Variants in BTRC observed in about 807,000 individuals in gnomAD.
BTRC encodes F-box/WD repeat-containing protein 1A.
Under a neutral mutation model 85.5 loss-of-function variants are expected in BTRC, and 42 were observed. That is an observed-to-expected ratio of 0.49 (90% CI 0.38 to 0.64). BTRC has a LOEUF of 0.64. Ranked by LOEUF, BTRC falls within the 30% of genes least tolerant of loss-of-function variation. The probability of loss-of-function intolerance (pLI) is 0.00; values close to 1 mark genes in which losing one functional copy is unlikely to be tolerated. For missense variants in BTRC, 594 were observed against 743.5 expected, an observed-to-expected ratio of 0.80 and a Z score of 2.34; for synonymous variants, 255 against 263.3, an observed-to-expected ratio of 0.97 and a Z score of 0.30.
At chr10:101,478,802 GAAAA>G (rs1012078533) in intron 3 of BTRC, among the ~76,000 whole-genome samples, 6 of 147,914 alleles carry the variant, frequency 4.1e-5, no homozygotes, top group Non-Finnish European at 6.0e-5. Context: ...AAAAAGAAAA[GAAAA>G]AAAGAGAAAG....
rs557869955 is a variant in BTRC, at chr10:101,424,935, T to C, written c.49-5410T>C. ...AGTGCAAAGTACCCATAGGTAGTTT[T>C]TTCAAGCTTTACCCCCTTTGTCCTC... On this transcript the variant is annotated intron_variant, in intron 1 of 14. Transcript: ENST00000370187. Among the ~76,000 whole-genome samples the C allele has an allele frequency of 2.0e-5, 3 of 152,322 alleles. No individual in the cohort carries two copies. The East Asian group carries it at 5.8e-4, about 29-fold the overall frequency.
chr10:101,408,296 CT>C (rs1052209018), intron 1 of BTRC, among the ~76,000 whole-genome samples: 1 of 150,910 alleles, frequency 6.6e-6, no homozygotes, highest in African/African-American at 2.4e-5. Flanking sequence ...TCTTTTTCTT[CT>C]TTTTTTTTAA....
chr10:101,418,988 TCA>T (rs749603546), intron 1 of BTRC, among the ~76,000 whole-genome samples: 56 of 151,784 alleles, frequency 3.7e-4, no homozygotes, highest in Non-Finnish European at 6.2e-4. Flanking sequence ...ATGTAACATC[TCA>T]CAGTTTCTTT....
At chr10:101,361,608 T>C (rs1015585427) in intron 1 of BTRC, among the ~76,000 whole-genome samples, 2 of 152,320 alleles carry the variant, frequency 1.3e-5, no homozygotes, top group South Asian at 4.1e-4. Flanking sequence ...GTCCACTGGA[T>C]CTTAACAGTT....
At chr10:101,542,956 A>G (rs925565590) in intron 13 of BTRC, among the ~76,000 whole-genome samples, 41 of 152,150 alleles carry the variant, frequency 2.7e-4, no homozygotes, top group African/African-American at 9.2e-4. Context: ...GGCTCACTGC[A>G]ACCTCTGCCT....
intron 1 of BTRC, among the ~76,000 whole-genome samples, chr10:101,384,662 T>C (rs1218102306): frequency 6.6e-6 from 1 of 152,204 alleles, no homozygotes; most frequent in African/African-American, 2.4e-5. Flanking sequence ...CAATTAGCAG[T>C]AGGAAAGAGT....
intron 2 of BTRC, among the ~76,000 whole-genome samples, chr10:101,453,923 T>C (rs1945011260): frequency 6.6e-6 from 1 of 152,212 alleles, no homozygotes; most frequent in South Asian, 2.1e-4. Flanking sequence ...TCTTCCGTTG[T>C]AGTGTGAAAG....
At chr10:101,433,709 C>T (rs914453124) in intron 2 of BTRC, among the ~76,000 whole-genome samples, 1 of 152,142 alleles carries the variant, frequency 6.6e-6, no homozygotes, top group African/African-American at 2.4e-5. Flanking sequence ...AATAGTAAGT[C>T]ACTGAAAGGA....
chr10:101,446,649 C>T (rs1944833819), intron 2 of BTRC, among the ~76,000 whole-genome samples: 2 of 151,960 alleles, frequency 1.3e-5, no homozygotes, highest in African/African-American at 4.8e-5. Context: ...AAAATTAGGC[C>T]AGGAAAGATT....
At position 101,463,065 on chromosome 10, in the gene BTRC, A is replaced by G. The variant is rs371532181; in HGVS notation, c.234+1007A>G. 1.3e-4 allele frequency among the ~76,000 whole-genome samples: 19 copies of G among 146,900 alleles called. No individual in the cohort carries two copies. In the East Asian group the frequency reaches 3.6e-3, roughly 28 times the overall value. ...GTATTTTGGGGTTTTTTTTTTTTTG[A>G]GACACAGTCTTGCTCTATCGCCCAG... On this transcript the variant is annotated intron_variant, in intron 3 of 14. Coordinates refer to ENST00000370187, the MANE Select transcript of BTRC (RefSeq NM_033637.4).
chr10:101,486,353 T>A (rs1014549789), intron 4 of BTRC, among the ~76,000 whole-genome samples: 5 of 152,186 alleles, frequency 3.3e-5, no homozygotes, highest in African/African-American at 7.2e-5. Context: ...GGCTTGTAAT[T>A]GGCGCCATCA....
At chr10:101,464,015 C>T (rs1945300089) in intron 3 of BTRC, among the ~76,000 whole-genome samples, 2 of 151,318 alleles carry the variant, frequency 1.3e-5, no homozygotes, top group South Asian at 4.2e-4. Context: ...ACAATTTTAA[C>T]TGTTTGGAGA....
chr10:101,450,519 G>A (rs1250209583), intron 2 of BTRC, among the ~76,000 whole-genome samples: 1 of 152,102 alleles, frequency 6.6e-6, no homozygotes, highest in Admixed American at 6.6e-5. Context: ...TAAAAGAGCA[G>A]GAGGCAGGCT....
At chr10:101,511,180 A>G (rs898500467) in intron 4 of BTRC, among the ~76,000 whole-genome samples, 3 of 151,858 alleles carry the variant, frequency 2.0e-5, no homozygotes, top group African/African-American at 7.3e-5. Flanking sequence ...CTTAATTCCC[A>G]CCATTTTTCC....
intron 1 of BTRC, among the ~76,000 whole-genome samples, chr10:101,355,178 AGGCCGT>A (rs1941998447): frequency 6.6e-6 from 1 of 152,174 alleles, no homozygotes; most frequent in Non-Finnish European, 1.5e-5. Context: ...GGGAAAGGAA[AGGCCGT>A]GGAGATGAGA....
chr10:101,533,024 T>G lies in BTRC; in HGVS notation c.1051T>G (p.Tyr351Asp). The change falls in exon 9 of 15, where the codon TAT (tyrosine) becomes GAT (aspartate). Residue 351 changes from tyrosine to aspartate, a missense_variant. By Grantham distance (160) the Tyr-to-Asp change is radical. Coordinates refer to ENST00000370187, the MANE Select transcript of BTRC (RefSeq NM_033637.4). ...GHTGSVLCLQYDERVIITGSS... is the reference protein window; with the variant it reads ...GHTGSVLCLQDDERVIITGSS... ...TACAGGTTCAGTCCTCTGTCTCCAG[T>G]ATGATGAGAGAGTGATCATAACAGG... 1 of 1,613,640 alleles carries G rather than the reference T, an allele frequency of 6.2e-7. No homozygotes were observed. Among genetic ancestry groups the G allele is most frequent in the Non-Finnish European group, 8.5e-7 (1 of 1,179,744 alleles).
intron 4 of BTRC, among the ~76,000 whole-genome samples, chr10:101,507,421 C>T (rs561488537): frequency 4.6e-5 from 7 of 152,286 alleles, no homozygotes; most frequent in African/African-American, 1.7e-4. Context: ...CAAGTTAACA[C>T]GATAAAGGCT....
chr10:101,480,292 G>T (rs570153467), intron 4 of BTRC, among the ~76,000 whole-genome samples: 1 of 152,232 alleles, frequency 6.6e-6, no homozygotes, highest in East Asian at 1.9e-4. Context: ...TTAGAGCTTA[G>T]GACTGGTGTC....
chr10:101,543,184 T>A (rs2062497713), intron 13 of BTRC, among the ~76,000 whole-genome samples: 1 of 152,216 alleles, frequency 6.6e-6, no homozygotes, highest in Admixed American at 6.5e-5. Context: ...AGCCACTTCT[T>A]GTATTTTTAA....
Sources: allele counts gnomAD v4.1 joint callset (sites outside exome capture counted in the v4.1 genomes callset), GRCh38; gene constraint gnomAD v4.1.1; transcripts MANE v1.5; gene names NCBI Gene and HGNC (gene_info 2026-07-23, HGNC 2026-07-21).